Variants in IGF2BP2 observed in about 807,000 individuals in gnomAD.
The protein encoded by IGF2BP2 is insulin like growth factor 2 mRNA binding protein 2.
IGF2BP2 carries 17 observed loss-of-function variants against 75.8 expected under a neutral mutation model. The observed-to-expected ratio is 0.22, with a 90% confidence interval of 0.15 to 0.34. The LOEUF (loss-of-function observed/expected upper bound fraction) is 0.34. IGF2BP2 is among the 10% of genes least tolerant of loss of function. The pLI is 1.00. For synonymous variants in IGF2BP2, 288 were observed against 295.6 expected (o/e 0.97, Z 0.26); for missense variants, 516 against 772.4 (o/e 0.67, Z 3.93).
At chr3:185,714,237 CT>C (rs1278546645) in intron 2 of IGF2BP2, among the ~76,000 whole-genome samples, 4 of 151,244 alleles carry the variant, frequency 2.6e-5, no homozygotes, top group African/African-American at 9.7e-5. Context: ...TAGTATTATT[CT>C]TTTTGACAGC....
intron 5 of IGF2BP2, among the ~76,000 whole-genome samples, chr3:185,690,003 A>G (rs573588777): frequency 1.5e-4 from 23 of 151,508 alleles, no homozygotes; most frequent in Non-Finnish European, 2.8e-4. Context: ...CTCCCGCAAG[A>G]CTGGTTCATT....
chr3:185,823,263 C>A (rs1741593013), intron 1 of IGF2BP2, 50 bp from the exon 2 acceptor site: 1 of 1,468,976 alleles, frequency 6.8e-7, no homozygotes, highest in Non-Finnish European at 9.4e-7. Context: ...ATCAAGCCCG[C>A]GGGGGTCTAG....
chr3:185,675,720 A>C (rs758593307), intron 8 of IGF2BP2, 71 bp downstream of exon 8: 1 of 1,528,372 alleles, frequency 6.5e-7, no homozygotes, highest in Non-Finnish European at 8.8e-7. Context: ...AAAGTAGATG[A>C]ATGAACTAGA....
At chr3:185,735,937 TTATAAAC>T (rs1266386665) in intron 2 of IGF2BP2, among the ~76,000 whole-genome samples, 105 of 152,242 alleles carry the variant, frequency 6.9e-4, no homozygotes, top group African/African-American at 2.4e-3. Flanking sequence ...GAAGATTAGT[TTATAAAC>T]TATATGCATA....
intron 2 of IGF2BP2, among the ~76,000 whole-genome samples, chr3:185,738,273 G>A (rs1729106401): frequency 6.6e-6 from 1 of 152,168 alleles, no homozygotes. Context: ...AAAACTGGGG[G>A]TTAAACCACA....
chr3:185,657,460 A>G (rs546462197), intron 11 of IGF2BP2, 58 bp from the exon 12 acceptor site: 872 of 1,322,370 alleles, frequency 6.6e-4, no homozygotes, highest in Admixed American at 1.3e-3. Context: ...TCCTCCAGGC[A>G]CTCAACAGGT....
chr3:185,680,226 G>A (rs1349315604), intron 7 of IGF2BP2, among the ~76,000 whole-genome samples: 2 of 152,080 alleles, frequency 1.3e-5, no homozygotes, highest in African/African-American at 4.8e-5. Context: ...AATTTCTAGA[G>A]GAAACACACA....
At chr3:185,656,949 T>C (rs1437045068) in intron 12 of IGF2BP2, among the ~76,000 whole-genome samples, 3 of 152,236 alleles carry the variant, frequency 2.0e-5, no homozygotes, top group African/African-American at 7.2e-5. Flanking sequence ...CGCATACTGG[T>C]ACCTGCTAAG....
intron 2 of IGF2BP2, among the ~76,000 whole-genome samples, chr3:185,768,899 C>T (rs1033938342): frequency 6.6e-6 from 1 of 152,104 alleles, no homozygotes; most frequent in Non-Finnish European, 1.5e-5. Flanking sequence ...TGGTGGCATG[C>T]GCCTGTAGTC....
Position 185,742,496 on chromosome 3 carries a change from G to GA in IGF2BP2, c.240-44150dup, listed in dbSNP as rs369433216. 6.7e-4 allele frequency among the ~76,000 whole-genome samples: 99 copies of GA among 148,070 alleles called. 4 individuals are homozygous for GA. Among genetic ancestry groups the GA allele is most frequent in the African/African-American group, 1.7e-3 (70 of 40,218 alleles). ...GGGCAACAGAGTGAGACTCCATTTC[G>GA]AAAAAAAAATATTAGCCAAGCGTAG... On this transcript the variant is annotated intron_variant, in intron 2 of 15. Transcript: ENST00000382199.
At chr3:185,676,367 A>T (rs1719352011) in intron 7 of IGF2BP2, among the ~76,000 whole-genome samples, 1 of 152,172 alleles carries the variant, frequency 6.6e-6, no homozygotes, top group Non-Finnish European at 1.5e-5. Flanking sequence ...TATAATATGA[A>T]GTCCGCTGTA....
intron 2 of IGF2BP2, among the ~76,000 whole-genome samples, chr3:185,747,019 G>A (rs756975979): frequency 6.6e-6 from 1 of 152,072 alleles, no homozygotes; most frequent in Non-Finnish European, 1.5e-5. Context: ...CAAAAACCAG[G>A]CAAAACAGAA....
chr3:185,741,481 A>C (rs1176228412), intron 2 of IGF2BP2, among the ~76,000 whole-genome samples: 1 of 152,212 alleles, frequency 6.6e-6, no homozygotes, highest in African/African-American at 2.4e-5. Flanking sequence ...AATAGACACA[A>C]GATAAAAGAA....
chr3:185,680,264 TG>T (rs954623763), intron 7 of IGF2BP2, among the ~76,000 whole-genome samples: 15 of 152,118 alleles, frequency 9.9e-5, no homozygotes, highest in Admixed American at 2.6e-4. Flanking sequence ...CATGAAGAAA[TG>T]GAAAGTCTGA....
At chr3:185,651,246 C>CG (rs1261595963) in intron 13 of IGF2BP2, among the ~76,000 whole-genome samples, 3 of 152,140 alleles carry the variant, frequency 2.0e-5, no homozygotes, top group Non-Finnish European at 2.9e-5. Flanking sequence ...TCTTTTACTT[C>CG]GTGTGATGGT....
At chr3:185,813,901 A>G (rs1740250709) in intron 2 of IGF2BP2, among the ~76,000 whole-genome samples, 1 of 152,242 alleles carries the variant, frequency 6.6e-6, no homozygotes, top group Non-Finnish European at 1.5e-5. Flanking sequence ...GAGAAGGAGA[A>G]TGAGAGAGGA....
chr3:185,692,756 G>A lies in IGF2BP2; in HGVS notation c.347C>T (p.Thr116Ile), dbSNP rs1472730241. Residue 116 changes from threonine to isoleucine, a missense_variant, in exon 5 of 16, where the codon ACA (threonine) becomes ATA (isoleucine). By Grantham distance (89) the Thr-to-Ile change is moderately conservative. This residue lies in a region of IGF2BP2 where 312 missense variants were observed against 474.5 expected (regional missense o/e 0.66). Coordinates refer to ENST00000382199, the MANE Select transcript of IGF2BP2 (RefSeq NM_006548.6). ...GTTGACAACGGCGGTTTCTGTGTCT[G>A]TGTTGACTAGGGAAAAGGCAAAAAC... ...GTVENVEQVN[T>I]DTETAVVNVT... The A allele has an allele frequency of 6.2e-7, 1 of 1,613,946 alleles. No individual in the cohort carries two copies.
chr3:185,802,648 G>A (rs1157970856), intron 2 of IGF2BP2, among the ~76,000 whole-genome samples: 1 of 152,166 alleles, frequency 6.6e-6, no homozygotes, highest in Non-Finnish European at 1.5e-5. Flanking sequence ...GAAACTGAGA[G>A]CTGGTAGGCA....
At chr3:185,695,082 G>A (rs995857434) in intron 4 of IGF2BP2, among the ~76,000 whole-genome samples, 4 of 150,682 alleles carry the variant, frequency 2.7e-5, no homozygotes, top group South Asian at 2.1e-4. Context: ...GTGAGACTCC[G>A]CCTCAAAAAA....
Sources: allele counts gnomAD v4.1 joint callset (sites outside exome capture counted in the v4.1 genomes callset), GRCh38; gene constraint gnomAD v4.1.1; regional missense constraint gnomAD v4.1.1; transcripts MANE v1.5; gene names NCBI Gene and HGNC (gene_info 2026-07-23, HGNC 2026-07-21).